The following TENM4 variants were observed in gnomAD, a reference collection of about 807,000 sequenced individuals.
TENM4 encodes the protein teneurin-4.
A neutral mutation model predicts 243.3 loss-of-function variants in TENM4; 82 were observed. The observed-to-expected ratio is 0.34, with a 90% CI of 0.28 to 0.40. The LOEUF (loss-of-function observed/expected upper bound fraction) is 0.40. Among genes scored for constraint, TENM4 ranks in the 10% least tolerant of loss-of-function variants. The pLI is 1.00. For missense variants in TENM4, 3,138 were observed against 3,673.3 expected (o/e 0.85, Z 3.77); for synonymous variants, 1,412 against 1,456.3 (o/e 0.97, Z 0.69).
At chr11:79,162,987 G>C (rs1862785681) in intron 3 of TENM4, among the ~76,000 whole-genome samples, 1 of 152,244 alleles carries the variant, frequency 6.6e-6, no homozygotes, top group South Asian at 2.1e-4. Flanking sequence ...TGCAGGGAAA[G>C]CAGGTTGCAC....
At chr11:79,213,958 C>A (rs1309804732) in intron 3 of TENM4, among the ~76,000 whole-genome samples, 3 of 152,002 alleles carry the variant, frequency 2.0e-5, no homozygotes, top group Admixed American at 6.6e-5. Context: ...AAATGTGACC[C>A]CACTTTACCT....
chr11:78,979,702 G>C (rs1410583661), intron 6 of TENM4, among the ~76,000 whole-genome samples: 4 of 152,150 alleles, frequency 2.6e-5, no homozygotes, highest in Non-Finnish European at 4.4e-5. Flanking sequence ...AGTTGAGTAA[G>C]TTGGGAGCAG....
chr11:79,079,565 C>G (rs957949291), intron 4 of TENM4, among the ~76,000 whole-genome samples: 1 of 152,134 alleles, frequency 6.6e-6, no homozygotes, highest in African/African-American at 2.4e-5. Context: ...CACGGTGGCT[C>G]ACGCCTGTAA....
intron 17 of TENM4, among the ~76,000 whole-genome samples, chr11:78,776,423 GC>G (rs1856741476): frequency 6.6e-6 from 1 of 152,186 alleles, no homozygotes; most frequent in Non-Finnish European, 1.5e-5. Flanking sequence ...CACCTTGAGA[GC>G]AGGGACCATA....
At chr11:79,086,835 C>CAAAAAAA (rs371315703) in intron 4 of TENM4, among the ~76,000 whole-genome samples, 3 of 89,092 alleles carry the variant, frequency 3.4e-5, no homozygotes, top group African/African-American at 4.4e-5. Flanking sequence ...CTCTGTCTCG[C>CAAAAAAA]AAAAAAAAAA....
At chr11:79,000,028 G>A (rs1360514244) in intron 6 of TENM4, among the ~76,000 whole-genome samples, 2 of 152,158 alleles carry the variant, frequency 1.3e-5, no homozygotes, top group African/African-American at 4.8e-5. Flanking sequence ...AGAGAAAAAT[G>A]ACTGATTGTT....
intron 6 of TENM4, among the ~76,000 whole-genome samples, chr11:78,922,665 C>G (rs1018926239): frequency 6.6e-6 from 1 of 152,204 alleles, no homozygotes. Context: ...AAGAGAATCC[C>G]GGTCAAACAC....
chr11:79,228,197 A>G (rs1864306722), intron 2 of TENM4, among the ~76,000 whole-genome samples: 1 of 152,204 alleles, frequency 6.6e-6, no homozygotes, highest in Non-Finnish European at 1.5e-5. Flanking sequence ...CTCTCCATGG[A>G]GCAGGCCCCT....
chr11:79,341,558 A>T (rs969547673), intron 1 of TENM4, among the ~76,000 whole-genome samples: 1 of 152,238 alleles, frequency 6.6e-6, no homozygotes, highest in Non-Finnish European at 1.5e-5. Context: ...ACTTGAACTC[A>T]GCACACACTG....
intron 4 of TENM4, among the ~76,000 whole-genome samples, chr11:79,079,846 A>G (rs1387919441): frequency 6.6e-6 from 1 of 151,854 alleles, no homozygotes; most frequent in Non-Finnish European, 1.5e-5. Flanking sequence ...AAAAAAAAAA[A>G]AAAGAAGAAA....
chr11:79,415,530 A>G (rs1282579427), intron 1 of TENM4, among the ~76,000 whole-genome samples: 2 of 152,168 alleles, frequency 1.3e-5, no homozygotes, highest in Non-Finnish European at 2.9e-5. Context: ...ATGTAGGTTT[A>G]CCATCTCCAC....
intron 25 of TENM4, among the ~76,000 whole-genome samples, chr11:78,713,322 G>A (rs1859444659): frequency 6.6e-6 from 1 of 152,178 alleles, no homozygotes; most frequent in Non-Finnish European, 1.5e-5. Flanking sequence ...TAAGTGAACT[G>A]CAGGATTAGT....
chr11:79,339,286 T>C (rs1857203722), intron 1 of TENM4, among the ~76,000 whole-genome samples: 1 of 152,232 alleles, frequency 6.6e-6, no homozygotes, highest in Non-Finnish European at 1.5e-5. Context: ...TAGGTCCTCA[T>C]CTATAGGGCC....
intron 6 of TENM4, among the ~76,000 whole-genome samples, chr11:78,930,782 A>T (rs1250898369): frequency 6.6e-6 from 1 of 152,234 alleles, no homozygotes; most frequent in Non-Finnish European, 1.5e-5. Flanking sequence ...TTAAAAAGTA[A>T]GCGGTGTGGA....
chr11:79,152,641 G>T (rs184672274), intron 3 of TENM4, among the ~76,000 whole-genome samples: 1 of 152,198 alleles, frequency 6.6e-6, no homozygotes, highest in Admixed American at 6.5e-5. Flanking sequence ...AAAACAAGGG[G>T]CTGGGAGCCA....
At chr11:78,712,738 C>G (rs754111308) in intron 25 of TENM4, 24 bp from the exon 26 acceptor site, 8 of 1,605,224 alleles carry the variant, frequency 5.0e-6, no homozygotes, top group Non-Finnish European at 6.0e-6. Context: ...ACATGGCCAA[C>G]TGGTGAGCAT....
intron 1 of TENM4, among the ~76,000 whole-genome samples, chr11:79,407,083 T>C (rs757394729): frequency 3.3e-5 from 5 of 152,194 alleles, no homozygotes; most frequent in Non-Finnish European, 5.9e-5. Context: ...GTGGCCTGTG[T>C]GGACTGATCA....
At chr11:78,671,547 G>T (rs1015696330) in intron 31 of TENM4, among the ~76,000 whole-genome samples, 1 of 152,210 alleles carries the variant, frequency 6.6e-6, no homozygotes, top group African/African-American at 2.4e-5. Context: ...TTGATTTTAG[G>T]TCATTTCTGA....
At chr11:79,319,491 A>T (rs1007455707) in intron 1 of TENM4, among the ~76,000 whole-genome samples, 49 of 152,118 alleles carry the variant, frequency 3.2e-4, no homozygotes, top group Admixed American at 2.1e-3. Context: ...TCTTAAATAG[A>T]TTCATATAAA....
Sources: allele counts gnomAD v4.1 joint callset (sites outside exome capture counted in the v4.1 genomes callset), GRCh38; gene constraint gnomAD v4.1.1; transcripts MANE v1.5; gene names NCBI Gene and HGNC (gene_info 2026-07-23, HGNC 2026-07-21).